Variants in SLC2A13 observed in about 807,000 individuals in gnomAD.
SLC2A13 encodes the protein solute carrier family 2 member 13.
In SLC2A13, 32 loss-of-function variants were observed where a neutral mutation model predicts 64.4. The observed-to-expected ratio is 0.50, with a 90% CI of 0.37 to 0.67. SLC2A13 has a LOEUF of 0.67. SLC2A13 is among the 30% of genes least tolerant of loss of function. SLC2A13 has a pLI of 0.00. For missense variants in SLC2A13, 743 were observed against 829.2 expected, an observed-to-expected ratio of 0.90 and a Z score of 1.28; for synonymous variants, 338 against 327.1, an observed-to-expected ratio of 1.03 and a Z score of -0.36.
At chr12:39,792,469 A>T (rs1223664731) in intron 7 of SLC2A13, among the ~76,000 whole-genome samples, 1 of 152,216 alleles carries the variant, frequency 6.6e-6, no homozygotes, top group African/African-American at 2.4e-5. Context: ...TATGTCTTTG[A>T]AATCTGGCAT....
At chr12:39,845,469 T>G (rs1309629787) in intron 6 of SLC2A13, among the ~76,000 whole-genome samples, 1 of 152,160 alleles carries the variant, frequency 6.6e-6, no homozygotes, top group East Asian at 1.9e-4. Flanking sequence ...GAAACACATT[T>G]TAACTTACAG....
intron 3 of SLC2A13, among the ~76,000 whole-genome samples, chr12:40,017,419 C>T (rs146744133): frequency 0.012 from 1,774 of 152,272 alleles, 22 homozygotes; most frequent in Non-Finnish European, 0.017. Context: ...TGTATAAAAT[C>T]CCAGAATTTC....
chr12:40,101,088 T>C (rs1302428227), intron 1 of SLC2A13, among the ~76,000 whole-genome samples: 1 of 151,644 alleles, frequency 6.6e-6, no homozygotes, highest in South Asian at 2.1e-4. Context: ...ATGGTCATGG[T>C]AGCAGGCAGC....
In SLC2A13 at chr12:39,926,874, C is replaced by G. The variant is rs1278094406; in HGVS notation, c.1034+24383G>C. On this transcript the variant is annotated intron_variant, in intron 4 of 9. Transcript: ENST00000280871. ...AAGGGATTCTCCTGCCTCGGCCTCC[C>G]AAAGTGTTGGGAAAACGGACGTGAG... 3.3e-5 allele frequency among the ~76,000 whole-genome samples: 5 copies of G among 152,154 alleles called. No individual in the cohort carries two copies. The East Asian group carries it at 9.6e-4, about 29-fold the overall frequency.
At chr12:39,966,152 G>GA (rs753389378) in intron 3 of SLC2A13, among the ~76,000 whole-genome samples, 22 of 151,124 alleles carry the variant, frequency 1.5e-4, no homozygotes, top group Non-Finnish European at 2.8e-4. Flanking sequence ...GAGAGAGAGA[G>GA]GTGGGGTATG....
chr12:39,900,053 T>C (rs1191487314), intron 4 of SLC2A13, among the ~76,000 whole-genome samples: 12 of 152,240 alleles, frequency 7.9e-5, no homozygotes, highest in Middle Eastern at 3.4e-3. Flanking sequence ...AATCAATAAA[T>C]GTAATCCAGC....
intron 5 of SLC2A13, among the ~76,000 whole-genome samples, chr12:39,871,214 T>C (rs937737714): frequency 1.3e-5 from 2 of 152,106 alleles, no homozygotes; most frequent in African/African-American, 2.4e-5. Flanking sequence ...ACACAAAAGA[T>C]ACTTGGGAAT....
At chr12:39,896,566 A>G (rs1336826769) in intron 4 of SLC2A13, among the ~76,000 whole-genome samples, 1 of 106,772 alleles carries the variant, frequency 9.4e-6, no homozygotes, top group African/African-American at 3.2e-5. Context: ...GTATACATAT[A>G]TGTATGTATG....
chr12:39,937,131 A>G (rs1405389397), intron 4 of SLC2A13, among the ~76,000 whole-genome samples: 1 of 152,144 alleles, frequency 6.6e-6, no homozygotes, highest in Non-Finnish European at 1.5e-5. Context: ...TGGATAGTGA[A>G]CTCATAGAGA....
chr12:40,031,652 C>T lies in SLC2A13; in HGVS notation c.717-3143G>A, dbSNP rs555684207. On this transcript the variant is annotated intron_variant, in intron 2 of 9. Transcript: ENST00000280871. ...TGTTTCACCTCCCTGAACTCCTAAC[C>T]ACGCAATCAATTCACTGTAACGTGT... 3.3e-5 allele frequency among the ~76,000 whole-genome samples: 5 copies of T among 152,318 alleles called. No individual in the cohort carries two copies. In the East Asian group the frequency reaches 9.6e-4, roughly 29 times the overall value.
intron 1 of SLC2A13, among the ~76,000 whole-genome samples, chr12:40,050,891 A>T (rs1187590793): frequency 6.6e-6 from 1 of 152,228 alleles, no homozygotes; most frequent in Non-Finnish European, 1.5e-5. Flanking sequence ...GAAGAATAAA[A>T]GTAACTACTT....
At chr12:39,760,877 C>T (rs1940109565) in intron 9 of SLC2A13, among the ~76,000 whole-genome samples, 1 of 146,284 alleles carries the variant, frequency 6.8e-6, no homozygotes, top group Admixed American at 6.9e-5. Context: ...ATATTCTCTA[C>T]ACATTTCCAA....
chr12:39,795,646 T>C (rs118187727), intron 7 of SLC2A13, among the ~76,000 whole-genome samples: 1,978 of 152,308 alleles, frequency 0.013, 23 homozygotes, highest in South Asian at 0.041. Context: ...AAGATTTACA[T>C]TGGCTGTTGC....
chr12:39,757,221 A>G lies in SLC2A13; in HGVS notation c.*2805T>C, dbSNP rs1939992526. The stretch of plus-strand genomic sequence containing the variant: ...CTTCATTGTATTTTCCTAAGACATA[A>G]TATACCTCTATCAAATCTGCAGCAT... On this transcript the variant is annotated 3_prime_UTR_variant, in exon 10 of 10. Coordinates refer to ENST00000280871, the MANE Select transcript of SLC2A13 (RefSeq NM_052885.4). 6.6e-6 allele frequency: 1 copy of G among 151,792 alleles called. No homozygotes were observed. The highest frequency in any genetic ancestry group is 6.6e-5 in the Admixed American group (1 of 15,192). The allele number at this position is 151,792 out of a possible 1,614,324, so 9.4% of individuals were successfully genotyped here.
At chr12:39,994,009 T>G (rs1188082795) in intron 3 of SLC2A13, among the ~76,000 whole-genome samples, 3 of 152,170 alleles carry the variant, frequency 2.0e-5, no homozygotes, top group Non-Finnish European at 2.9e-5. Flanking sequence ...TGGTATCCAC[T>G]GAAATAAAAT....
chr12:39,769,350 T>C (rs1940476904), intron 7 of SLC2A13, among the ~76,000 whole-genome samples: 1 of 152,030 alleles, frequency 6.6e-6, no homozygotes, highest in South Asian at 2.1e-4. Context: ...AAAAATAAAA[T>C]AAAACCAGGA....
intron 4 of SLC2A13, among the ~76,000 whole-genome samples, chr12:39,947,084 TC>T (rs1250633009): frequency 2.0e-5 from 3 of 152,026 alleles, no homozygotes; most frequent in African/African-American, 4.8e-5. Context: ...TTGACTCAGC[TC>T]TCTAACTTGA....
intron 3 of SLC2A13, among the ~76,000 whole-genome samples, chr12:40,012,864 C>T (rs1048599112): frequency 6.6e-6 from 1 of 152,192 alleles, no homozygotes; most frequent in Non-Finnish European, 1.5e-5. Context: ...CACACTCCAG[C>T]ACTCAGAGAT....
At chr12:40,078,010 A>C (rs560391219) in intron 1 of SLC2A13, among the ~76,000 whole-genome samples, 1 of 152,300 alleles carries the variant, frequency 6.6e-6, no homozygotes, top group South Asian at 2.1e-4. Flanking sequence ...TTGTATCCTA[A>C]AACTTTGCTG....
Sources: gnomAD v4.1 joint callset for allele counts (sites outside exome capture counted in the v4.1 genomes callset) on GRCh38, gnomAD v4.1.1 for gene constraint, MANE v1.5 for transcripts, NCBI Gene and HGNC (gene_info 2026-07-23, HGNC 2026-07-21) for gene names.